Variants in FBXL5 observed in about 807,000 individuals in gnomAD.
The protein encoded by FBXL5 is F-box and leucine rich repeat protein 5.
In FBXL5, 26 loss-of-function variants were observed where a neutral mutation model predicts 78.3. That is an observed-to-expected ratio of 0.33 (90% CI 0.24 to 0.46). The LOEUF (loss-of-function observed/expected upper bound fraction) is 0.46. Ranked by LOEUF, FBXL5 falls within the 20% of genes least tolerant of loss-of-function variation. FBXL5 has a pLI of 1.00. For missense variants in FBXL5, 710 were observed against 829.2 expected (o/e 0.86, Z 1.77); for synonymous variants, 295 against 282.5 (o/e 1.04, Z -0.45).
Position 15,644,710 on chromosome 4 carries a change from T to C in FBXL5, c.85-2A>G. Reference sequence around the variant, plus strand: ...GTTGGAAAAATTGGTTTTAGAAAGCTGAATAAAAATTTAAAAAGAAAAGTG... The same window carrying C: ...GTTGGAAAAATTGGTTTTAGAAAGCCGAATAAAAATTTAAAAAGAAAAGTG... On this transcript the variant is annotated splice_acceptor_variant, in intron 1 of 10. Coordinates refer to ENST00000341285, the MANE Select transcript of FBXL5 (RefSeq NM_012161.4). LOFTEE classifies it high-confidence loss of function. 1 of 1,599,182 alleles carries C rather than the reference T, an allele frequency of 6.3e-7. No homozygotes were observed. The highest frequency in any genetic ancestry group is 8.5e-7 in the Non-Finnish European group (1 of 1,172,112).
intron 1 of FBXL5, among the ~76,000 whole-genome samples, chr4:15,645,075 G>A (rs1350297906): frequency 6.6e-6 from 1 of 151,908 alleles, no homozygotes; most frequent in Non-Finnish European, 1.5e-5. Context: ...ACTTGATTAG[G>A]TTAAATACAA....
At chr4:15,644,011 C>T (rs1191545460) in intron 2 of FBXL5, among the ~76,000 whole-genome samples, 2 of 152,130 alleles carry the variant, frequency 1.3e-5, no homozygotes, top group Admixed American at 1.3e-4. Flanking sequence ...TAGGCCTGAC[C>T]TTATACTCTG....
Position 15,644,613 on chromosome 4 carries a change from A to G in FBXL5, c.180T>C (p.Ile60=). The part of the protein sequence containing the change: ...TFKEFKMHEQ[I]ENEYIIGLLQ... ...GCAAACCAATAATGTATTCATTTTC[A>G]ATCTGCTCATGCATTTTGAACTCCT... The change falls in exon 2 of 11, where the codon ATT becomes ATC. Residue 60 remains isoleucine, a synonymous_variant. Transcript: ENST00000341285. The G allele has an allele frequency of 6.8e-6, 11 of 1,614,118 alleles. No individual in the cohort carries two copies. The highest frequency in any genetic ancestry group is 8.5e-6 in the Non-Finnish European group (10 of 1,179,978).
At chr4:15,623,827 T>C (rs868730009) in intron 9 of FBXL5, among the ~76,000 whole-genome samples, 3 of 145,108 alleles carry the variant, frequency 2.1e-5, no homozygotes, top group Non-Finnish European at 3.0e-5. Context: ...TTTACAATAG[T>C]TTTTTTTTTT....
At chr4:15,651,658 T>C (rs1320978824) in intron 1 of FBXL5, among the ~76,000 whole-genome samples, 1 of 152,216 alleles carries the variant, frequency 6.6e-6, no homozygotes, top group East Asian at 1.9e-4. Flanking sequence ...CAAATTACTC[T>C]AAGCTTCTTC....
chr4:15,681,168 A>C (rs899669513), intron 1 of FBXL5: 2 of 152,180 alleles, frequency 1.3e-5, no homozygotes, highest in African/African-American at 4.8e-5. Flanking sequence ...AAAGAGTCGC[A>C]CAGGAATACT....
At chr4:15,660,073 A>C (rs1230145908), upstream of FBXL5, among the ~76,000 whole-genome samples, 8 of 149,220 alleles carry the variant, frequency 5.4e-5, no homozygotes, top group Non-Finnish European at 8.9e-5. Context: ...CTTCCTCCCT[A>C]CCCCTGACAT....
At chr4:15,655,453 C>T (rs1281850281), upstream of FBXL5, 4 of 928,346 alleles carry the variant, frequency 4.3e-6, no homozygotes, top group Non-Finnish European at 5.1e-6. Context: ...CAGGCCGCCG[C>T]CATGCGATCC....
intron 1 of FBXL5, among the ~76,000 whole-genome samples, chr4:15,650,872 C>T (rs376299343): frequency 6.6e-6 from 1 of 151,862 alleles, no homozygotes; most frequent in East Asian, 1.9e-4. Flanking sequence ...ACCTCATGAT[C>T]CACCTGCCTC....
chr4:15,636,649 C>A lies in FBXL5; in HGVS notation c.611G>T (p.Gly204Val). The A allele has an allele frequency of 6.2e-7, 1 of 1,609,334 alleles. No homozygotes were observed. The highest frequency in any genetic ancestry group is 1.1e-5 in the South Asian group (1 of 90,190). Residue 204 changes from glycine to valine, a missense_variant, in exon 5 of 11, where the codon GGT (glycine) becomes GTT (valine). Transcript: ENST00000341285. ...TACCTCAGGAGGAAGATGGGTTATA[C>A]CTGTGGAGTGTTCTGACACTTCTGC... ...KEAEVSEHST[G>V]ITHLPPEVML...
At chr4:15,610,712 C>T (rs1018852016) in intron 10 of FBXL5, among the ~76,000 whole-genome samples, 1 of 152,022 alleles carries the variant, frequency 6.6e-6, no homozygotes, top group African/African-American at 2.4e-5. Context: ...TCCCCTCCCT[C>T]TACCCAATAA....
chr4:15,647,271 T>C (rs74867832), intron 1 of FBXL5, among the ~76,000 whole-genome samples: 1 of 19,784 alleles, frequency 5.1e-5, no homozygotes, highest in African/African-American at 2.0e-4. Flanking sequence ...AAAATAAAAA[T>C]AAACAACAAC....
chr4:15,647,222 CAAA>C (rs112736448), intron 1 of FBXL5, among the ~76,000 whole-genome samples: 1 of 36,520 alleles, frequency 2.7e-5, no homozygotes, highest in African/African-American at 1.1e-4. Context: ...GACTCCATCT[CAAA>C]AAAAAAAAAA....
intron 1 of FBXL5, among the ~76,000 whole-genome samples, chr4:15,646,941 G>T (rs961576970): frequency 2.0e-5 from 3 of 151,896 alleles, no homozygotes; most frequent in Non-Finnish European, 4.4e-5. Flanking sequence ...GATTGAAAAA[G>T]GCTGGGCATG....
intron 1 of FBXL5, among the ~76,000 whole-genome samples, chr4:15,669,742 T>C (rs940679090): frequency 6.6e-6 from 1 of 152,198 alleles, no homozygotes; most frequent in Non-Finnish European, 1.5e-5. Context: ...GGTCAGTACT[T>C]TTTTTCTTAT....
chr4:15,645,709 A>G (rs193178457), intron 1 of FBXL5, among the ~76,000 whole-genome samples: 183 of 152,032 alleles, frequency 1.2e-3, no homozygotes, highest in Non-Finnish European at 8.1e-4. Flanking sequence ...TTACAGGTAT[A>G]AGCTACCACG....
At chr4:15,635,080 C>G (rs1714106592) in intron 5 of FBXL5, among the ~76,000 whole-genome samples, 1 of 152,028 alleles carries the variant, frequency 6.6e-6, no homozygotes, top group East Asian at 1.9e-4. Context: ...GCCCGTAATC[C>G]CAGCACTTTG....
intron 1 of FBXL5, among the ~76,000 whole-genome samples, chr4:15,680,660 A>T (rs1433163041): frequency 1.3e-5 from 2 of 152,068 alleles, no homozygotes; most frequent in Admixed American, 1.3e-4. Context: ...TGGGCGAGAG[A>T]GTGAGACTCC....
chr4:15,656,378 C>T (rs1220020292), upstream of FBXL5: 1 of 439,482 alleles, frequency 2.3e-6, no homozygotes, highest in Non-Finnish European at 4.6e-6. Flanking sequence ...AACAGGGAAG[C>T]CTGAGAACCT....
Sources: gnomAD v4.1 joint callset for allele counts (sites outside exome capture counted in the v4.1 genomes callset) on GRCh38, gnomAD v4.1.1 for gene constraint, MANE v1.5 for transcripts, NCBI Gene and HGNC (gene_info 2026-07-23, HGNC 2026-07-21) for gene names.